Variants in MYO7A observed in about 807,000 individuals in gnomAD.
The protein encoded by MYO7A is unconventional myosin-VIIa.
MYO7A carries 210 observed loss-of-function variants against 263.8 expected under a neutral mutation model. The observed-to-expected ratio is 0.80, with a 90% CI of 0.71 to 0.89. MYO7A has a LOEUF of 0.89. Among genes scored for constraint, MYO7A ranks in the 40% least tolerant of loss-of-function variants. The probability of loss-of-function intolerance (pLI) is 0.00; values close to 1 mark genes in which losing one functional copy is unlikely to be tolerated. For missense variants in MYO7A, 2,820 were observed against 2,968.3 expected, an observed-to-expected ratio of 0.95 and a Z score of 1.16; for synonymous variants, 1,239 against 1,197.3, an observed-to-expected ratio of 1.03 and a Z score of -0.72.
chr11:77,189,649 C>G (rs1955890608), intron 28 of MYO7A, among the ~76,000 whole-genome samples, 179 bp downstream of exon 28: 2 of 152,218 alleles, frequency 1.3e-5, no homozygotes, highest in African/African-American at 4.8e-5. Flanking sequence ...CTTTTCCCCA[C>G]ACTCCCCTCA....
chr11:77,165,241 T>C (rs180923654), intron 14 of MYO7A, among the ~76,000 whole-genome samples: 1 of 152,362 alleles, frequency 6.6e-6, no homozygotes, highest in East Asian at 1.9e-4. Context: ...CCGCCATTCA[T>C]GGGCAGCCTA....
intron 28 of MYO7A, 39 bp downstream of exon 28, chr11:77,189,509 C>T (rs782421559): frequency 1.2e-6 from 2 of 1,612,204 alleles, no homozygotes; most frequent in African/African-American, 2.7e-5. Context: ...GGAAGGGGAG[C>T]TAGGCCCTGT....
In MYO7A at chr11:77,158,277, G is replaced by T. The variant is rs782088850; in HGVS notation, c.850G>T (p.Gly284Cys). ...CCCACTCTCCCACCCTGCCCACCAGGGTAACTGCATAACCTGTGAGGGCCG... is the reference window on the plus strand; with the variant it reads ...CCCACTCTCCCACCCTGCCCACCAGTGTAACTGCATAACCTGTGAGGGCCG... ...QASDYNYLAM[G>C]NCITCEGRVD... The change falls in exon 9 of 49, where the codon GGT becomes TGT. Residue 284 changes from glycine (G) to cysteine (C), a missense_variant and splice_region_variant. Coordinates refer to ENST00000409709, the MANE Select transcript of MYO7A (RefSeq NM_000260.4). 1.9e-6 allele frequency: 3 copies of T among 1,595,200 alleles called. No individual in the cohort carries two copies. Among genetic ancestry groups the T allele is most frequent in the South Asian group, 2.2e-5 (2 of 89,370 alleles).
intron 20 of MYO7A, 74 bp downstream of exon 20, chr11:77,179,203 G>A: frequency 7.5e-7 from 1 of 1,338,420 alleles, no homozygotes; most frequent in Non-Finnish European, 1.0e-6. Flanking sequence ...CAGTGGGACT[G>A]GCCTGCACCC....
intron 4 of MYO7A, among the ~76,000 whole-genome samples, chr11:77,153,203 G>A (rs1193099885): frequency 1.3e-5 from 2 of 152,152 alleles, no homozygotes; most frequent in Non-Finnish European, 1.5e-5. Flanking sequence ...GAGAAATGAG[G>A]GTGGCCTGGC....
chr11:77,162,043 GGT>G, intron 12 of MYO7A, 75 bp from the exon 13 acceptor site: 2 of 1,337,800 alleles, frequency 1.5e-6, no homozygotes, highest in Non-Finnish European at 2.1e-6. Flanking sequence ...CCATGCTGCA[GGT>G]GGAGGCAGAG....
intron 31 of MYO7A, among the ~76,000 whole-genome samples, chr11:77,192,921 T>C (rs1348444948): frequency 1.3e-4 from 9 of 68,668 alleles, no homozygotes; most frequent in South Asian, 7.0e-4. Flanking sequence ...TGGAGGGTAG[T>C]GATGGTGTTG....
chr11:77,161,235 C>T (rs1215328031), intron 12 of MYO7A, 120 bp downstream of exon 12: 24 of 1,267,448 alleles, frequency 1.9e-5, no homozygotes, highest in Admixed American at 8.3e-5. Flanking sequence ...CAGGCTGTTC[C>T]GTCATCACGG....
At chr11:77,159,414 C>CCCCCCCCCTTCTTTT in intron 9 of MYO7A, 33 bp from the exon 10 acceptor site, 1 of 1,376,280 alleles carries the variant, frequency 7.3e-7, no homozygotes. Context: ...CCCACCCTCC[C>CCCCCCCCCTTCTTTT]TCCCCTGATG....
At chr11:77,152,347 C>T (rs1555057641) in intron 4 of MYO7A, among the ~76,000 whole-genome samples, 2 of 152,244 alleles carry the variant, frequency 1.3e-5, no homozygotes, top group African/African-American at 4.8e-5. Flanking sequence ...GCTGACAGGC[C>T]TGTCCCCTCG....
intron 29 of MYO7A, 139 bp from the exon 30 acceptor site, chr11:77,190,558 C>A: frequency 1.8e-6 from 1 of 567,006 alleles, no homozygotes; most frequent in Non-Finnish European, 2.7e-6. Context: ...GTGACAGGGA[C>A]AAGCAGTGTC....
At chr11:77,149,928 C>T (rs1286720763) in intron 4 of MYO7A, among the ~76,000 whole-genome samples, 1 of 152,132 alleles carries the variant, frequency 6.6e-6, no homozygotes, top group Non-Finnish European at 1.5e-5. Context: ...CTCACAGGGA[C>T]CCGCTGGTGT....
chr11:77,214,546 G>A, intron 48 of MYO7A, 61 bp from the exon 49 acceptor site: 3 of 1,245,036 alleles, frequency 2.4e-6, no homozygotes, highest in Non-Finnish European at 3.5e-6. Flanking sequence ...GCTGTGCTAT[G>A]GTCTGAGTGG....
intron 24 of MYO7A, 76 bp downstream of exon 24, chr11:77,182,230 C>A: frequency 6.4e-7 from 1 of 1,564,590 alleles, no homozygotes; most frequent in Non-Finnish European, 8.7e-7. Context: ...CTGGTGGTGG[C>A]CGTAGGTGAT....
Position 77,194,364 on chromosome 11 carries a change from T to C in MYO7A, c.4163T>C (p.Leu1388Pro). 1 of 1,612,088 alleles carries C rather than the reference T, an allele frequency of 6.2e-7. No individual in the cohort carries two copies. ...GEYRCEKEDDLAELASQQYFV... is the reference protein window; with the variant it reads ...GEYRCEKEDDPAELASQQYFV... ...CCTCCCCCCACCTAGGAGGACGACC[T>C]GGCTGAGCTGGCCTCCCAGCAGTAC... The change falls in exon 32 of 49, where the codon CTG becomes CCG. Residue 1388 changes from leucine (L) to proline (P), a missense_variant. By Grantham distance (98) the Leu-to-Pro change is moderately conservative. Coordinates refer to ENST00000409709, the MANE Select transcript of MYO7A (RefSeq NM_000260.4).
intron 2 of MYO7A, among the ~76,000 whole-genome samples, chr11:77,134,702 G>T (rs1384246514): frequency 1.3e-5 from 2 of 150,260 alleles, no homozygotes; most frequent in African/African-American, 4.9e-5. Context: ...GTATGGCTTT[G>T]CATCACTGTC....
At chr11:77,144,450 G>T (rs1404062957) in intron 3 of MYO7A, among the ~76,000 whole-genome samples, 1 of 152,136 alleles carries the variant, frequency 6.6e-6, no homozygotes, top group African/African-American at 2.4e-5. Flanking sequence ...GTCCCCTCCC[G>T]CTTCTCCTCC....
intron 44 of MYO7A, 91 bp downstream of exon 44, chr11:77,208,894 T>A (rs929310027): frequency 3.7e-6 from 4 of 1,079,208 alleles, no homozygotes; most frequent in Middle Eastern, 2.0e-4. Context: ...CCTTGCCAGG[T>A]GTGGGGCCCG....
rs563094265 is a variant in MYO7A, at chr11:77,129,359, C to T, written c.-47+870C>T. ...GAGCTCCAGGGCAGGGGTCAGGGCT[C>T]GGATGTCGGGCAGTGTCATGGGCAG... is the stretch of plus-strand genomic sequence containing the variant. On this transcript the variant is annotated intron_variant, in intron 1 of 48. Transcript: ENST00000409709. Among the ~76,000 whole-genome samples, 47 of 152,284 alleles carry T rather than the reference C, an allele frequency of 3.1e-4. 2 individuals carry two copies. Among genetic ancestry groups the T allele is most frequent in the African/African-American group, 3.4e-4 (14 of 41,566 alleles).
Sources: allele counts gnomAD v4.1 joint callset (sites outside exome capture counted in the v4.1 genomes callset), GRCh38; gene constraint gnomAD v4.1.1; transcripts MANE v1.5; gene names NCBI Gene and HGNC (gene_info 2026-07-23, HGNC 2026-07-21).